Variants in MAP3K1 observed in about 807,000 individuals in gnomAD.
MAP3K1 encodes the protein MAP/ERK kinase kinase 1.
Under a neutral mutation model 144.2 loss-of-function variants are expected in MAP3K1, and 36 were observed. That is an observed-to-expected ratio of 0.25 (90% CI 0.19 to 0.33). The LOEUF (loss-of-function observed/expected upper bound fraction) is 0.33. Among genes scored for constraint, MAP3K1 ranks in the 10% least tolerant of loss-of-function variants. MAP3K1 has a pLI of 1.00. For synonymous variants in MAP3K1, 718 were observed against 688.7 expected, an observed-to-expected ratio of 1.04 and a Z score of -0.67; for missense variants, 1,650 against 1,881.9, an observed-to-expected ratio of 0.88 and a Z score of 2.28.
intron 2 of MAP3K1, among the ~76,000 whole-genome samples, chr5:56,857,060 A>C (rs774491180): frequency 2.0e-5 from 3 of 152,106 alleles, no homozygotes; most frequent in African/African-American, 4.8e-5. Flanking sequence ...TTTAAAAAGA[A>C]TTTTTCCAGT....
At position 56,881,731 on chromosome 5, in the gene MAP3K1, C is replaced by A; in HGVS notation, c.2531C>A (p.Ser844Tyr). Residue 844 changes from serine to tyrosine, a missense_variant, in exon 14 of 20, where the codon TCC (serine) becomes TAC (tyrosine). Physicochemically the swap from Ser to Tyr is moderately radical, Grantham distance 144. This residue lies in a region of MAP3K1 where 841 missense variants were observed against 886.5 expected (regional missense o/e 0.95). Coordinates refer to ENST00000399503, the MANE Select transcript of MAP3K1 (RefSeq NM_005921.2). ...FSKLLEMLSV[S>Y]SSTHFTRMRR... is the part of the protein sequence containing the mutation. ...AAACTGTTAGAAATGCTGAGTGTTTCCAGTTCCACTCACTTCACCAGGATG... is the reference window on the plus strand; with the variant it reads ...AAACTGTTAGAAATGCTGAGTGTTTACAGTTCCACTCACTTCACCAGGATG... 3 of 1,614,086 alleles carry A rather than the reference C, an allele frequency of 1.9e-6. No individual in the cohort carries two copies. Among genetic ancestry groups the A allele is most frequent in the South Asian group, 2.2e-5 (2 of 91,084 alleles).
chr5:56,818,442 CT>C (rs555299046), intron 1 of MAP3K1, among the ~76,000 whole-genome samples: 10 of 151,784 alleles, frequency 6.6e-5, no homozygotes, highest in South Asian at 2.1e-4. Context: ...GTTCTGTGAT[CT>C]TTTTTTTAAT....
rs1265725791 is a variant in MAP3K1, at chr5:56,893,594, G to A, written c.4453G>A (p.Ala1485Thr). The A allele has an allele frequency of 6.2e-7, 1 of 1,613,960 alleles. No homozygotes were observed. The highest frequency in any genetic ancestry group is 1.3e-5 in the African/African-American group (1 of 75,044). ...TTTGTCTCCTGGTTTACGAGATGTG[G>A]CTCTTCGTTGTTTAGAACTTCAACC... ...SHLSPGLRDVALRCLELQPQD... is the reference protein window; with the variant it reads ...SHLSPGLRDVTLRCLELQPQD... Residue 1485 changes from alanine (A) to threonine (T), a missense_variant, in exon 20 of 20, where the codon GCT (alanine) becomes ACT (threonine). Around this residue, in one of 6 missense-constraint regions of MAP3K1, gnomAD observed 165 missense variants for 322.9 expected, o/e 0.51. Coordinates refer to ENST00000399503, the MANE Select transcript of MAP3K1 (RefSeq NM_005921.2).
At chr5:56,817,995 A>G (rs759207608) in intron 1 of MAP3K1, among the ~76,000 whole-genome samples, 3 of 151,988 alleles carry the variant, frequency 2.0e-5, no homozygotes, top group Non-Finnish European at 4.4e-5. Flanking sequence ...GGTGTAGATT[A>G]TAATTGCACA....
Position 56,881,952 on chromosome 5 carries a change from A to C in MAP3K1, c.2752A>C (p.Thr918Pro). Residue 918 changes from threonine (T) to proline (P), a missense_variant, in exon 14 of 20, where the codon ACA becomes CCA. Thr to Pro is a conservative substitution (Grantham distance 38). Coordinates refer to ENST00000399503, the MANE Select transcript of MAP3K1 (RefSeq NM_005921.2). ...GAAAACTGGAAAAGGATTATGTGCT[A>C]CAAAATTGAGTGCCAGTTCAGAGGA... ...LEKTGKGLCA[T>P]KLSASSEDIS... is the part of the protein sequence containing the mutation. 6.2e-7 allele frequency: 1 copy of C among 1,614,164 alleles called. No homozygotes were observed. The highest frequency in any genetic ancestry group is 8.5e-7 in the Non-Finnish European group (1 of 1,180,032).
chr5:56,869,621 G>T (rs925434913), intron 6 of MAP3K1, among the ~76,000 whole-genome samples: 1 of 152,024 alleles, frequency 6.6e-6, no homozygotes, highest in Non-Finnish European at 1.5e-5. Flanking sequence ...AAAAAAGATG[G>T]GCAGGAAATA....
chr5:56,831,810 T>C (rs1746502506), intron 1 of MAP3K1, among the ~76,000 whole-genome samples: 2 of 152,216 alleles, frequency 1.3e-5, no homozygotes, highest in African/African-American at 4.8e-5. Context: ...CCTAAATTAC[T>C]CTGATACTAA....
At chr5:56,849,241 T>G (rs33329) in intron 1 of MAP3K1, among the ~76,000 whole-genome samples, 8,767 of 151,474 alleles carry the variant, frequency 0.058, 354 homozygotes, top group South Asian at 0.15. Flanking sequence ...TCCCAGCTAC[T>G]CGGGAGGCTG....
At chr5:56,888,117 G>A (rs763604271) in intron 18 of MAP3K1, 109 bp from the exon 19 acceptor site, 4 of 986,762 alleles carry the variant, frequency 4.1e-6, no homozygotes, top group Non-Finnish European at 6.4e-6. Flanking sequence ...CAGAATTCCT[G>A]TTTGTACCAG....
chr5:56,818,274 T>G (rs1024251039), intron 1 of MAP3K1, among the ~76,000 whole-genome samples: 1 of 152,170 alleles, frequency 6.6e-6, no homozygotes, highest in African/African-American at 2.4e-5. Context: ...TTGGTTATGC[T>G]ACACTATTAC....
At chr5:56,862,833 C>T (rs1469879335) in intron 3 of MAP3K1, among the ~76,000 whole-genome samples, 1 of 151,990 alleles carries the variant, frequency 6.6e-6, no homozygotes, top group African/African-American at 2.4e-5. Context: ...ATGTGTAATT[C>T]ATCTACTGTA....
At chr5:56,891,972 G>T (rs1202861167) in intron 19 of MAP3K1, among the ~76,000 whole-genome samples, 1 of 152,146 alleles carries the variant, frequency 6.6e-6, no homozygotes, top group Non-Finnish European at 1.5e-5. Flanking sequence ...GTAGCATGAT[G>T]CCTCCAGCTT....
intron 1 of MAP3K1, chr5:56,820,298 C>A (rs1438042393): frequency 1.2e-5 from 4 of 337,852 alleles, no homozygotes; most frequent in Non-Finnish European, 1.7e-5. Context: ...AGGATTCAAT[C>A]CCAAGTCAGA....
rs1746116925 is a variant in MAP3K1, at chr5:56,820,354, TTC to T, written c.482+4301_482+4302del. 2.3e-6 allele frequency: 2 copies of T among 863,170 alleles called. 1 individual carries two copies. Among genetic ancestry groups the T allele is most frequent in the South Asian group, 1.1e-4 (2 of 18,816 alleles). 53.5% of individuals were successfully genotyped at this position (863,170 alleles called of 1,614,324 possible). ...TTTCCACTACTCTGCTTCTTCCATT[TTC>T]TTTTTTCAAATTAATAATCAAATTA... On this transcript the variant is annotated intron_variant, in intron 1 of 19. Transcript: ENST00000399503.
chr5:56,864,961 T>C (rs200148281), intron 4 of MAP3K1, 27 bp downstream of exon 4: 429 of 1,600,452 alleles, frequency 2.7e-4, no homozygotes, highest in Non-Finnish European at 3.6e-4. Context: ...TTTTATACTT[T>C]ATTAGTAGTA....
chr5:56,880,103 T>A (rs965290793), intron 11 of MAP3K1, among the ~76,000 whole-genome samples: 12 of 152,206 alleles, frequency 7.9e-5, no homozygotes, highest in Non-Finnish European at 1.6e-4. Flanking sequence ...TATTGCAAAT[T>A]AACAAGTAAT....
chr5:56,867,881 G>A (rs1235966487), intron 6 of MAP3K1, among the ~76,000 whole-genome samples: 1 of 152,170 alleles, frequency 6.6e-6, no homozygotes, highest in East Asian at 1.9e-4. Flanking sequence ...GATTAAATTA[G>A]CATATGCCCA....
At position 56,872,717 on chromosome 5, in the gene MAP3K1, C is replaced by T. The variant is rs1747891574; in HGVS notation, c.1500C>T (p.Phe500=). 7.5e-6 allele frequency: 12 copies of T among 1,601,520 alleles called. No homozygotes were observed. Among genetic ancestry groups the T allele is most frequent in the Non-Finnish European group, 1.0e-5 (12 of 1,169,210 alleles). Residue 500 remains phenylalanine, a synonymous_variant, in exon 8 of 20, where the codon TTC becomes TTT. Coordinates refer to ENST00000399503, the MANE Select transcript of MAP3K1 (RefSeq NM_005921.2). Reference sequence around the variant, plus strand: ...GATCTAAGTGGAGATCTCATGATTTCTACAGGTAATAATTTTGAAATGATA... The same window carrying T: ...GATCTAAGTGGAGATCTCATGATTTTTACAGGTAATAATTTTGAAATGATA... ...LCRSKWRSHD[F]YSHELSSPVD... is the part of the protein sequence containing the mutation.
chr5:56,878,605 G>A (rs1471229689), intron 10 of MAP3K1, among the ~76,000 whole-genome samples: 1 of 151,900 alleles, frequency 6.6e-6, no homozygotes, highest in Admixed American at 6.6e-5. Flanking sequence ...ATTTTGTTCT[G>A]TGGGTTGCAA....
Sources: allele counts gnomAD v4.1 joint callset (sites outside exome capture counted in the v4.1 genomes callset), GRCh38; gene constraint gnomAD v4.1.1; regional missense constraint gnomAD v4.1.1; transcripts MANE v1.5; gene names NCBI Gene and HGNC (gene_info 2026-07-23, HGNC 2026-07-21).